GPC6: variants seen among roughly 807,000 people sequenced by gnomAD.
GPC6 encodes the protein glypican 6, also known as glypican-6.
GPC6 carries 14 observed loss-of-function variants against 55.2 expected under a neutral mutation model. The ratio of observed to expected loss-of-function variants is 0.25; its 90% CI spans 0.17 to 0.40. The LOEUF is 0.40. Among genes scored for constraint, GPC6 ranks in the 10% least tolerant of loss-of-function variants. The probability of loss-of-function intolerance (pLI) is 1.00; values close to 1 mark genes in which losing one functional copy is unlikely to be tolerated. For synonymous variants in GPC6, 278 were observed against 259.6 expected, an observed-to-expected ratio of 1.07 and a Z score of -0.68; for missense variants, 641 against 708.5, an observed-to-expected ratio of 0.90 and a Z score of 1.08.
chr13:93,690,073 G>A (rs986930418), intron 2 of GPC6, among the ~76,000 whole-genome samples: 3 of 152,132 alleles, frequency 2.0e-5, no homozygotes, highest in South Asian at 2.1e-4. Flanking sequence ...TTTAGGGGAT[G>A]TAACTGATGA....
intron 1 of GPC6, among the ~76,000 whole-genome samples, chr13:93,287,359 T>G (rs1454194365): frequency 6.6e-6 from 1 of 152,180 alleles, no homozygotes; most frequent in Non-Finnish European, 1.5e-5. Flanking sequence ...GCAGGGACAT[T>G]GGCCACCAAG....
chr13:94,100,773 G>A (rs1294359583), intron 4 of GPC6, among the ~76,000 whole-genome samples: 1 of 152,276 alleles, frequency 6.6e-6, no homozygotes, highest in Admixed American at 6.5e-5. Flanking sequence ...ATTGACTGTT[G>A]ACTCTTATTG....
At chr13:93,877,750 G>A (rs977544347) in intron 3 of GPC6, among the ~76,000 whole-genome samples, 3 of 152,102 alleles carry the variant, frequency 2.0e-5, no homozygotes, top group African/African-American at 7.2e-5. Context: ...AGCTTTGTTA[G>A]AAGAGTTGTA....
chr13:94,319,486 A>G (rs550575764), intron 6 of GPC6, among the ~76,000 whole-genome samples: 2 of 152,362 alleles, frequency 1.3e-5, no homozygotes, highest in Non-Finnish European at 2.9e-5. Context: ...GGAACTTTTA[A>G]TATACAATCA....
intron 2 of GPC6, among the ~76,000 whole-genome samples, chr13:93,795,604 G>A (rs1886171380): frequency 6.6e-6 from 1 of 152,202 alleles, no homozygotes; most frequent in Non-Finnish European, 1.5e-5. Context: ...AGATATTGGT[G>A]CCTTATTATG....
At chr13:93,453,194 C>A in intron 1 of GPC6, among the ~76,000 whole-genome samples, 1 of 152,192 alleles carries the variant, frequency 6.6e-6, no homozygotes, top group Non-Finnish European at 1.5e-5. Context: ...CAAGTCATTC[C>A]TGAATTGCAT....
At chr13:93,805,612 C>G (rs1886521228) in intron 2 of GPC6, among the ~76,000 whole-genome samples, 2 of 152,106 alleles carry the variant, frequency 1.3e-5, no homozygotes, top group African/African-American at 2.4e-5. Flanking sequence ...ATATGTATAA[C>G]ATAGTTCATA....
chr13:93,543,561 C>T (rs1165776855), intron 1 of GPC6, among the ~76,000 whole-genome samples: 1 of 152,074 alleles, frequency 6.6e-6, no homozygotes, highest in Non-Finnish European at 1.5e-5. Flanking sequence ...GGAGGATTCC[C>T]TCTTTTTCTA....
At chr13:93,889,051 C>G (rs113749282) in intron 3 of GPC6, among the ~76,000 whole-genome samples, 1 of 152,102 alleles carries the variant, frequency 6.6e-6, no homozygotes, top group African/African-American at 2.4e-5. Context: ...ATTAAAATGA[C>G]ATCAAATAAA....
intron 2 of GPC6, among the ~76,000 whole-genome samples, chr13:93,612,369 CGTACCTGTT>C (rs1878509346): frequency 6.6e-6 from 1 of 151,952 alleles, no homozygotes; most frequent in South Asian, 2.1e-4. Context: ...CATGGTGGCA[CGTACCTGTT>C]GTCCCAGCTA....
intron 4 of GPC6, among the ~76,000 whole-genome samples, chr13:94,202,039 A>G (rs1889767958): frequency 6.6e-6 from 1 of 152,180 alleles, no homozygotes; most frequent in African/African-American, 2.4e-5. Flanking sequence ...AAATGGTAAT[A>G]GTTTTCTCAC....
chr13:94,015,859 T>C (rs1882445716), intron 3 of GPC6, among the ~76,000 whole-genome samples: 1 of 152,236 alleles, frequency 6.6e-6, no homozygotes, highest in African/African-American at 2.4e-5. Context: ...CTGATCTGTA[T>C]GTCTGTTCTT....
chr13:94,226,227 A>G (rs1392534892), intron 4 of GPC6, among the ~76,000 whole-genome samples: 1 of 152,182 alleles, frequency 6.6e-6, no homozygotes, highest in Non-Finnish European at 1.5e-5. Flanking sequence ...ATTTTTGCTT[A>G]GTGAGAGTCA....
chr13:94,356,311 A>T (rs1323396768), intron 6 of GPC6, among the ~76,000 whole-genome samples: 1 of 152,204 alleles, frequency 6.6e-6, no homozygotes. Flanking sequence ...TATACCCAGT[A>T]ATGGGATTGC....
At chr13:93,553,769 G>C (rs1277729218) in intron 2 of GPC6, among the ~76,000 whole-genome samples, 1 of 150,612 alleles carries the variant, frequency 6.6e-6, no homozygotes, top group Non-Finnish European at 1.5e-5. Flanking sequence ...TGGTTGATGA[G>C]TCTTTAGGGA....
At chr13:94,328,427 G>T (rs1425121997) in intron 6 of GPC6, among the ~76,000 whole-genome samples, 1 of 152,190 alleles carries the variant, frequency 6.6e-6, no homozygotes, top group African/African-American at 2.4e-5. Context: ...ACCCTAAAGT[G>T]AGGTTTCCAG....
chr13:93,980,663 T>A (rs1880760014), intron 3 of GPC6, among the ~76,000 whole-genome samples: 1 of 152,166 alleles, frequency 6.6e-6, no homozygotes, highest in South Asian at 2.1e-4. Context: ...TTCTCCTGTC[T>A]CCAGGAGGTG....
intron 4 of GPC6, among the ~76,000 whole-genome samples, chr13:94,273,609 G>A (rs1594120353): frequency 6.6e-6 from 1 of 152,280 alleles, no homozygotes; most frequent in South Asian, 2.1e-4. Flanking sequence ...AAGATACAGG[G>A]TAAGCATGTT....
At chr13:93,708,085 A>G (rs187406918) in intron 2 of GPC6, among the ~76,000 whole-genome samples, 18 of 151,970 alleles carry the variant, frequency 1.2e-4, no homozygotes, top group Admixed American at 1.1e-3. Context: ...AACAATAATG[A>G]TATCACTCAT....
Sources: allele counts gnomAD v4.1 joint callset (sites outside exome capture counted in the v4.1 genomes callset), GRCh38; gene constraint gnomAD v4.1.1; transcripts MANE v1.5; gene names NCBI Gene and HGNC (gene_info 2026-07-23, HGNC 2026-07-21).